The following MED24 variants were observed in gnomAD, a reference collection of about 807,000 sequenced individuals.
The protein encoded by MED24 is mediator of RNA polymerase II transcription subunit 24.
MED24 carries 74 observed loss-of-function variants against 118.8 expected under a neutral mutation model. That is an observed-to-expected ratio of 0.62 (90% CI 0.52 to 0.76). The LOEUF is 0.76. Ranked by LOEUF, MED24 falls within the 30% of genes least tolerant of loss-of-function variation. The pLI, the probability that MED24 is intolerant of heterozygous loss-of-function variation, is 0.00. For synonymous variants in MED24, 521 were observed against 523.9 expected, an observed-to-expected ratio of 0.99 and a Z score of 0.08; for missense variants, 1,041 against 1,278.9, an observed-to-expected ratio of 0.81 and a Z score of 2.84.
Position 40,023,601 on chromosome 17 carries a change from A to G in MED24, c.1986-206T>C, listed in dbSNP as rs1436466245. ...CTGGCAGGTCTCTCACCTGCAGGAC[A>G]CAAAGCCTATAAATAGGGACTGGGG... On this transcript the variant is annotated intron_variant, in intron 19 of 25. Transcript: ENST00000394128. 4 of 541,668 alleles carry G rather than the reference A, an allele frequency of 7.4e-6. No individual in the cohort carries two copies. In the Admixed American group the frequency reaches 1.4e-4, roughly 19 times the overall value. The allele number at this position is 541,668 out of a possible 1,614,324, so 33.6% of individuals were successfully genotyped here.
intron 3 of MED24, 40 bp downstream of exon 3, chr17:40,053,258 A>T: frequency 6.5e-7 from 1 of 1,548,900 alleles, no homozygotes; most frequent in Non-Finnish European, 8.8e-7. Context: ...TTTTACCCCC[A>T]GAACTCTCAC....
chr17:40,044,010 T>C (rs977203912), intron 3 of MED24, among the ~76,000 whole-genome samples: 1 of 148,408 alleles, frequency 6.7e-6, no homozygotes, highest in Non-Finnish European at 1.5e-5. Flanking sequence ...CCGCCCATAG[T>C]CCCAGCTACT....
intron 6 of MED24, among the ~76,000 whole-genome samples, chr17:40,034,034 A>T (rs535846961): frequency 6.6e-6 from 1 of 152,086 alleles, no homozygotes; most frequent in Non-Finnish European, 1.5e-5. Context: ...GGTCTAACTC[A>T]CTGTTCTCTC....
At chr17:40,032,391 C>T (rs1983494944) in intron 9 of MED24, 1 of 566,944 alleles carries the variant, frequency 1.8e-6, no homozygotes, top group African/African-American at 1.9e-5. Flanking sequence ...CCCTGGCTCC[C>T]TTTACTGCCC....
At chr17:40,034,242 A>C (rs1983696145) in intron 6 of MED24, among the ~76,000 whole-genome samples, 1 of 152,244 alleles carries the variant, frequency 6.6e-6, no homozygotes, top group South Asian at 2.1e-4. Context: ...ATTTTCAGCC[A>C]ATAAACATTT....
intron 21 of MED24, 36 bp downstream of exon 21, chr17:40,022,609 T>C (rs1253664801): frequency 1.9e-6 from 3 of 1,610,332 alleles, no homozygotes; most frequent in Non-Finnish European, 1.7e-6. Context: ...TGACCCTGGG[T>C]GGCCGGAGCA....
At position 40,035,776 on chromosome 17, in the gene MED24, T is replaced by C. The variant is rs1983868882; in HGVS notation, c.272A>G (p.Asp91Gly). ...GTCCAGCAATGCCTGGACACACAGG[T>C]CCCGAGAAAAGTCATCAAACTGTGG... ...AISKFDDFSR[D>G]LCVQALLDIM... is the part of the protein sequence containing the mutation. Residue 91 changes from aspartate (D) to glycine (G), a missense_variant, in exon 5 of 26, where the codon GAC (aspartate) becomes GGC (glycine). Physicochemically the swap from Asp to Gly is moderately conservative, Grantham distance 94. This residue lies in a region of MED24 where 434 missense variants were observed against 514.9 expected (regional missense o/e 0.84). Transcript: ENST00000394128. The C allele has an allele frequency of 1.9e-6, 3 of 1,613,798 alleles. No individual in the cohort carries two copies. Among genetic ancestry groups the C allele is most frequent in the Non-Finnish European group, 2.5e-6 (3 of 1,179,920 alleles).
intron 11 of MED24, 66 bp from the exon 12 acceptor site, chr17:40,031,311 AGGTCCCTGAGCAGCAT>A: frequency 7.0e-7 from 1 of 1,434,810 alleles, no homozygotes; most frequent in Non-Finnish European, 9.6e-7. Flanking sequence ...TGGGAGTGGC[AGGTCCCTGAGCAGCAT>A]CCTCCCTCTT....
intron 12 of MED24, 119 bp downstream of exon 12, chr17:40,031,040 G>A (rs527482924): frequency 1.2e-5 from 11 of 926,808 alleles, no homozygotes; most frequent in South Asian, 4.3e-5. Flanking sequence ...CCCCAGGCAC[G>A]GTCCCAGTCA....
chr17:40,037,783 T>G (rs1003532335), intron 3 of MED24, among the ~76,000 whole-genome samples: 1 of 151,658 alleles, frequency 6.6e-6, no homozygotes, highest in East Asian at 1.9e-4. Context: ...TGGTGGCGGG[T>G]GCCTATAGTC....
At position 40,035,282 on chromosome 17, in the gene MED24, G is replaced by A. The variant is rs1200092174; in HGVS notation, c.394C>T (p.Leu132=). 2 of 1,612,284 alleles carry A rather than the reference G, an allele frequency of 1.2e-6. No homozygotes were observed. Among genetic ancestry groups the A allele is most frequent in the African/African-American group, 2.7e-5 (2 of 74,908 alleles). ...TCTGCAGAGGCTGCCGTGCAGCGCAGCAGCCAGTGGAGGGCGCTAAGAAGG... is the reference window on the plus strand; with the variant it reads ...TCTGCAGAGGCTGCCGTGCAGCGCAACAGCCAGTGGAGGGCGCTAAGAAGG... ...RALLSALHWL[L]RCTAASAERL... Residue 132 remains leucine, a synonymous_variant, in exon 6 of 26, where the codon CTG becomes TTG. Transcript: ENST00000394128.
Position 40,022,382 on chromosome 17 carries a change from TG to T in MED24, c.2523+11del, listed in dbSNP as rs1025153796. 12 of 1,601,542 alleles carry T rather than the reference TG, an allele frequency of 7.5e-6. No individual in the cohort carries two copies. Among genetic ancestry groups the T allele is most frequent in the East Asian group, 4.5e-5 (2 of 44,504 alleles). On this transcript the variant is annotated intron_variant, in intron 22 of 25. Transcript: ENST00000394128. The stretch of plus-strand genomic sequence containing the variant: ...AACAAGTGAAGCCGGCGAGGGCAGC[TG>T]GGGGGCCTACCTCAATGTCTTCGCG...
intron 13 of MED24, among the ~76,000 whole-genome samples, chr17:40,029,544 A>G (rs754612287): frequency 3.9e-5 from 6 of 152,224 alleles, no homozygotes. Context: ...CGCCTACTGC[A>G]GTGCCTGGTG....
chr17:40,026,075 A>G (rs1982610922), intron 19 of MED24, 81 bp downstream of exon 19: 2 of 1,449,164 alleles, frequency 1.4e-6, no homozygotes, highest in Non-Finnish European at 1.9e-6. Context: ...AGGTCAGAAA[A>G]GAGAGGGGTG....
chr17:40,035,287 C>G lies in MED24; in HGVS notation c.389G>C (p.Trp130Ser). 6.2e-7 allele frequency: 1 copy of G among 1,612,482 alleles called. No homozygotes were observed. The highest frequency in any genetic ancestry group is 8.5e-7 in the Non-Finnish European group (1 of 1,178,776). ...LCRALLSALH[W>S]LLRCTAASAE... ...AGAGGCTGCCGTGCAGCGCAGCAGCCAGTGGAGGGCGCTAAGAAGGGCTCG... is the reference window on the plus strand; with the variant it reads ...AGAGGCTGCCGTGCAGCGCAGCAGCGAGTGGAGGGCGCTAAGAAGGGCTCG... Residue 130 changes from tryptophan to serine, a missense_variant, in exon 6 of 26, where the codon TGG (tryptophan) becomes TCG (serine). Trp to Ser is a radical substitution (Grantham distance 177, BLOSUM62 -3). Coordinates refer to ENST00000394128, the MANE Select transcript of MED24 (RefSeq NM_014815.4).
intron 20 of MED24, 31 bp from the exon 21 acceptor site, chr17:40,022,857 G>T (rs1255839891): frequency 6.2e-6 from 10 of 1,607,160 alleles, no homozygotes; most frequent in Non-Finnish European, 8.5e-6. Flanking sequence ...CAGTTCAGGA[G>T]CCAGGGGCCC....
At chr17:40,053,745 C>T in intron 1 of MED24, 110 bp from the exon 2 acceptor site, 7 of 1,402,954 alleles carry the variant, frequency 5.0e-6, no homozygotes, top group Non-Finnish European at 5.9e-6. Context: ...TTAAGCGAGA[C>T]AGAGGAATTT....
At chr17:40,036,424 C>A (rs1431879938) in intron 3 of MED24, among the ~76,000 whole-genome samples, 1 of 152,184 alleles carries the variant, frequency 6.6e-6, no homozygotes. Flanking sequence ...AGCATGGTGG[C>A]TCATGCCTGT....
chr17:40,043,990 G>A (rs1475745404), intron 3 of MED24, among the ~76,000 whole-genome samples: 1 of 150,884 alleles, frequency 6.6e-6, no homozygotes, highest in Non-Finnish European at 1.5e-5. Flanking sequence ...TTAGCCGGGC[G>A]TGGTGGCACC....
Sources: allele counts gnomAD v4.1 joint callset (sites outside exome capture counted in the v4.1 genomes callset), GRCh38; gene constraint gnomAD v4.1.1; regional missense constraint gnomAD v4.1.1; transcripts MANE v1.5; gene names NCBI Gene and HGNC (gene_info 2026-07-23, HGNC 2026-07-21).